Variants in PSPH observed in about 807,000 individuals in gnomAD.
PSPH encodes the protein phosphoserine phosphatase.
PSPH carries 16 observed loss-of-function variants against 23.4 expected under a neutral mutation model. That is an observed-to-expected ratio of 0.68 (90% CI 0.46 to 1.04). The LOEUF (loss-of-function observed/expected upper bound fraction) is 1.04, where lower values mean the gene tolerates loss of function less well. PSPH is among the 50% of genes least tolerant of loss of function. PSPH has a pLI of 0.00. For synonymous variants in PSPH, 68 were observed against 99.7 expected (o/e 0.68, Z 1.89); for missense variants, 223 against 273.7 (o/e 0.81, Z 1.31).
intron 1 of PSPH, among the ~76,000 whole-genome samples, chr7:56,047,380 C>A (rs1367476625): frequency 4.6e-5 from 7 of 150,836 alleles, no homozygotes; most frequent in African/African-American, 1.5e-4. Context: ...CAGGGTGAGA[C>A]CCTGTCTCAA....
chr7:56,048,288 T>G (rs1793519108), intron 1 of PSPH, among the ~76,000 whole-genome samples: 1 of 101,296 alleles, frequency 9.9e-6, no homozygotes, highest in Non-Finnish European at 2.4e-5. Flanking sequence ...TTTAAAAAAT[T>G]TGAAAAAAAA....
intron 3 of PSPH, among the ~76,000 whole-genome samples, chr7:56,026,848 A>C (rs1160819841): frequency 1.3e-5 from 2 of 152,156 alleles, no homozygotes; most frequent in Non-Finnish European, 2.9e-5. Flanking sequence ...AGCCAGAAAC[A>C]GACAAATGGT....
chr7:56,049,564 G>A (rs1793718966), intron 1 of PSPH, among the ~76,000 whole-genome samples: 1 of 149,768 alleles, frequency 6.7e-6, no homozygotes, highest in Non-Finnish European at 1.5e-5. Context: ...TCAGCCTCCC[G>A]AGGAACTGGG....
intron 1 of PSPH, among the ~76,000 whole-genome samples, chr7:56,039,119 G>A (rs1167145117): frequency 9.9e-5 from 14 of 141,030 alleles, no homozygotes; most frequent in East Asian, 4.1e-4. Flanking sequence ...TTGCATACCC[G>A]CCCGGGAAAC....
At chr7:56,049,998 A>C (rs1434428056) in intron 1 of PSPH, among the ~76,000 whole-genome samples, 1 of 152,036 alleles carries the variant, frequency 6.6e-6, no homozygotes, top group Non-Finnish European at 1.5e-5. Flanking sequence ...GGCTTCCCAA[A>C]GTACTGGGAT....
intron 1 of PSPH, among the ~76,000 whole-genome samples, chr7:56,040,103 A>T (rs1279122107): frequency 6.6e-6 from 1 of 152,060 alleles, no homozygotes; most frequent in African/African-American, 2.4e-5. Context: ...CATCAAAAAA[A>T]AAAAAATACC....
intron 7 of PSPH, 55 bp downstream of exon 7, chr7:56,014,968 A>G: frequency 6.7e-7 from 1 of 1,485,726 alleles, no homozygotes. Context: ...AATAATAAAT[A>G]AATAAATAAA....
At chr7:56,044,774 T>C (rs1374823152) in intron 1 of PSPH, among the ~76,000 whole-genome samples, 1 of 151,838 alleles carries the variant, frequency 6.6e-6, no homozygotes, top group African/African-American at 2.4e-5. Flanking sequence ...GCACTTTATT[T>C]AGCCTAGGTG....
chr7:56,026,638 T>TA (rs541093748), intron 3 of PSPH, among the ~76,000 whole-genome samples: 343 of 143,924 alleles, frequency 2.4e-3, no homozygotes, highest in Admixed American at 6.0e-3. Context: ...CTGTCTCTAT[T>TA]AAAAAAAAAA....
At chr7:56,014,675 G>A (rs546338518) in intron 7 of PSPH, among the ~76,000 whole-genome samples, 2 of 152,252 alleles carry the variant, frequency 1.3e-5, no homozygotes, top group East Asian at 3.9e-4. Flanking sequence ...CGGGCACGGT[G>A]GCTCATGCCT....
chr7:56,032,351 C>T (rs1166067800), intron 2 of PSPH, among the ~76,000 whole-genome samples: 2 of 152,062 alleles, frequency 1.3e-5, no homozygotes, highest in Non-Finnish European at 2.9e-5. Flanking sequence ...CTTAGGAGAA[C>T]TAAATGCAGA....
At chr7:56,018,846 T>C (rs1020510151) in intron 5 of PSPH, among the ~76,000 whole-genome samples, 1 of 151,912 alleles carries the variant, frequency 6.6e-6, no homozygotes, top group African/African-American at 2.4e-5. Flanking sequence ...GGCCTACGTC[T>C]GTAGTCCCAG....
intron 1 of PSPH, among the ~76,000 whole-genome samples, chr7:56,035,414 TC>T (rs757604491): frequency 1.6e-4 from 25 of 151,998 alleles, no homozygotes; most frequent in Admixed American, 6.6e-4. Flanking sequence ...AAGGGGTGTT[TC>T]CCCCAAACAT....
chr7:56,045,886 CA>C (rs34528611), intron 1 of PSPH, among the ~76,000 whole-genome samples: 239 of 108,212 alleles, frequency 2.2e-3, no homozygotes, highest in African/African-American at 3.5e-3. Flanking sequence ...GACTTTGTCT[CA>C]AAAAAAAAAA....
chr7:56,011,836 T>C lies in PSPH; in HGVS notation c.604A>G (p.Arg202Gly). The change falls in exon 8 of 8, where the codon AGG becomes GGG. Residue 202 changes from arginine (R) to glycine (G), a missense_variant. Transcript: ENST00000275605. Reference sequence around the variant, plus strand: ...TTGGCGTTATCCTTGACTTGTTGCCTGATCACATTTCCTCCAAATCCAATG... The same window carrying C: ...TTGGCGTTATCCTTGACTTGTTGCCCGATCACATTTCCTCCAAATCCAATG... ...AFIGFGGNVI[R>G]QQVKDNAKWY... 1.2e-6 allele frequency: 2 copies of C among 1,612,838 alleles called. No homozygotes were observed. The highest frequency in any genetic ancestry group is 1.7e-6 in the Non-Finnish European group (2 of 1,178,928).
intron 3 of PSPH, among the ~76,000 whole-genome samples, chr7:56,025,202 C>A (rs1425200424): frequency 6.6e-6 from 1 of 152,048 alleles, no homozygotes; most frequent in African/African-American, 2.4e-5. Flanking sequence ...CAACCTCAGT[C>A]CGCACAAATA....
chr7:56,046,927 T>G (rs568377680), intron 1 of PSPH, among the ~76,000 whole-genome samples: 6 of 152,086 alleles, frequency 3.9e-5, no homozygotes, highest in Non-Finnish European at 8.8e-5. Context: ...CATTAACTTG[T>G]CTCTGAAGAT....
chr7:56,021,949 CAAAAA>C (rs753210160), intron 3 of PSPH, among the ~76,000 whole-genome samples: 3 of 41,836 alleles, frequency 7.2e-5, no homozygotes, highest in Admixed American at 2.6e-4. Flanking sequence ...GACTCCGTCT[CAAAAA>C]AAAAAAAAAA....
intron 3 of PSPH, among the ~76,000 whole-genome samples, chr7:56,027,279 G>A (rs970711384): frequency 6.6e-6 from 1 of 151,482 alleles, no homozygotes; most frequent in Non-Finnish European, 1.5e-5. Context: ...ATGCTCCTGA[G>A]AATGACTGAT....
Sources: allele counts gnomAD v4.1 joint callset (sites outside exome capture counted in the v4.1 genomes callset), GRCh38; gene constraint gnomAD v4.1.1; transcripts MANE v1.5; gene names NCBI Gene and HGNC (gene_info 2026-07-23, HGNC 2026-07-21).